Variants in PTPRN2 observed in about 807,000 individuals in gnomAD.
The protein encoded by PTPRN2 is receptor-type tyrosine-protein phosphatase N2.
In PTPRN2, 74 loss-of-function variants were observed where a neutral mutation model predicts 118.8. That is an observed-to-expected ratio of 0.62 (90% CI 0.52 to 0.76). The LOEUF is 0.76. Ranked by LOEUF, PTPRN2 falls within the 30% of genes least tolerant of loss-of-function variation. The pLI is 0.00. For missense variants in PTPRN2, 1,481 were observed against 1,394.4 expected, an observed-to-expected ratio of 1.06 and a Z score of -0.99; for synonymous variants, 641 against 608.0, an observed-to-expected ratio of 1.05 and a Z score of -0.80.
At chr7:157,625,611 T>A (rs1218019145) in intron 14 of PTPRN2, among the ~76,000 whole-genome samples, 1 of 152,044 alleles carries the variant, frequency 6.6e-6, no homozygotes, top group Non-Finnish European at 1.5e-5. Flanking sequence ...GATAAAAGAT[T>A]AACAAATATG....
In PTPRN2 at chr7:157,784,495, C is replaced by A. The variant is rs1173696222; in HGVS notation, c.1789-101558G>T. On this transcript the variant is annotated intron_variant, in intron 12 of 22. Coordinates refer to ENST00000389418, the MANE Select transcript of PTPRN2 (RefSeq NM_002847.5). The surrounding 1 kb of genome is among the most constrained non-coding windows in gnomAD (Gnocchi z 4.6). ...TGGCTGCGGGAACCTTCCTGCCCTG[C>A]AGGAACCACCTCAGCCTCAGCCTCA... Among the ~76,000 whole-genome samples the A allele has an allele frequency of 6.6e-6, 1 of 152,202 alleles. No individual in the cohort carries two copies. The highest frequency in any genetic ancestry group is 1.5e-5 in the Non-Finnish European group (1 of 68,034).
rs1563241129 is a variant in PTPRN2, at chr7:158,395,780, C to CGAGGCGCGAGGGGAGAGGGGA, written c.164-78849_164-78848insTCCCCTCTCCCCTCGCGCCTC. 2.2e-3 allele frequency among the ~76,000 whole-genome samples: 87 copies of CGAGGCGCGAGGGGAGAGGGGA among 39,420 alleles called. 2 individuals are homozygous for CGAGGCGCGAGGGGAGAGGGGA. Among genetic ancestry groups the CGAGGCGCGAGGGGAGAGGGGA allele is most frequent in the East Asian group, 6.3e-3 (4 of 640 alleles). The allele number at this position is 39,420 out of a possible 152,430, so 25.9% of individuals were successfully genotyped here. On this transcript the variant is annotated intron_variant, in intron 2 of 22. Coordinates refer to ENST00000389418, the MANE Select transcript of PTPRN2 (RefSeq NM_002847.5). The stretch of plus-strand genomic sequence containing the variant: ...GGCGCGAGGGGCGAGGGGTGAGGCG[C>CGAGGCGCGAGGGGAGAGGGGA]GAGGGGCGAGGGGTGAGGCGCGAGG...
rs886585665 is a variant in PTPRN2, at chr7:157,780,165, C to T, written c.1789-97228G>A. Reference sequence around the variant, plus strand: ...TTTATGATCCCACCACGTATCTCTACTATTAAAGAATTAGCCTCTGGGCCG... The same window carrying T: ...TTTATGATCCCACCACGTATCTCTATTATTAAAGAATTAGCCTCTGGGCCG... On this transcript the variant is annotated intron_variant, in intron 12 of 22. Coordinates refer to ENST00000389418, the MANE Select transcript of PTPRN2 (RefSeq NM_002847.5). The surrounding 1 kb of genome is among the most constrained non-coding windows in gnomAD (Gnocchi z 4.5). Among the ~76,000 whole-genome samples the T allele has an allele frequency of 6.6e-6, 1 of 152,320 alleles. No homozygotes were observed. Among genetic ancestry groups the T allele is most frequent in the South Asian group, 2.1e-4 (1 of 4,826 alleles).
intron 12 of PTPRN2, among the ~76,000 whole-genome samples, chr7:157,848,798 C>T (rs931757855): frequency 6.6e-6 from 1 of 152,254 alleles, no homozygotes; most frequent in African/African-American, 2.4e-5. Context: ...TGGCCCGCAC[C>T]CTGCAGTGAG....
rs1194120994 is a variant in PTPRN2, at chr7:158,093,292, C to T, written c.1644-11915G>A. Among the ~76,000 whole-genome samples, 1 of 148,960 alleles carries T rather than the reference C, an allele frequency of 6.7e-6. No individual in the cohort carries two copies. Among genetic ancestry groups the T allele is most frequent in the African/African-American group, 2.5e-5 (1 of 39,984 alleles). ...CCTGACTCTGCCGCTGGACCGACCC[C>T]CACACTGTAGACCCACACGCAGGCC... On this transcript the variant is annotated intron_variant, in intron 10 of 22. Transcript: ENST00000389418. The surrounding 1 kb of genome is among the most constrained non-coding windows in gnomAD (Gnocchi z 4.4).
chr7:157,850,308 A>G (rs1176619453), intron 12 of PTPRN2, among the ~76,000 whole-genome samples: 1 of 128,544 alleles, frequency 7.8e-6, no homozygotes, highest in Non-Finnish European at 1.7e-5. Context: ...AAGGGATCCC[A>G]GGTCTCCGAA....
chr7:157,802,712 A>C (rs1258439621), intron 12 of PTPRN2, among the ~76,000 whole-genome samples: 1 of 152,128 alleles, frequency 6.6e-6, no homozygotes, highest in Non-Finnish European at 1.5e-5. Context: ...AAGTGTTCAG[A>C]GTCTACACAT....
intron 21 of PTPRN2, among the ~76,000 whole-genome samples, chr7:157,549,914 C>T (rs369539695): frequency 4.6e-5 from 7 of 152,180 alleles, no homozygotes; most frequent in East Asian, 1.9e-4. Context: ...CTACCGAACA[C>T]GGTGAACTGA....
At chr7:158,416,555 A>G (rs1471752436) in intron 2 of PTPRN2, among the ~76,000 whole-genome samples, 4 of 152,358 alleles carry the variant, frequency 2.6e-5, no homozygotes, top group African/African-American at 9.6e-5. Flanking sequence ...ATCATCTCCC[A>G]GGGAGAAACC....
intron 2 of PTPRN2, among the ~76,000 whole-genome samples, chr7:158,452,281 C>T (rs1670378): frequency 1.3e-4 from 19 of 151,932 alleles, no homozygotes; most frequent in Admixed American, 2.6e-4. Context: ...CGTTTAATTT[C>T]AAAAAAAATT....
rs951989098 is a variant in PTPRN2 at position 157,598,773 on chromosome 7, G to A, written c.2419-3458C>T. On this transcript the variant is annotated intron_variant, in intron 16 of 22. Transcript: ENST00000389418. This position sits in a 1 kb window ranked among gnomAD's most constrained non-coding sequence, Gnocchi z 5.2. ...CTCAGTGAACCACAGAAGGAAGGAA[G>A]GATGCTGCTTCCTCAAGCACAGAGC... 2.0e-5 allele frequency among the ~76,000 whole-genome samples: 3 copies of A among 152,192 alleles called. No homozygotes were observed. Among genetic ancestry groups the A allele is most frequent in the African/African-American group, 7.2e-5 (3 of 41,440 alleles).
chr7:158,167,135 C>T lies in PTPRN2; in HGVS notation c.706G>A (p.Gly236Ser). The T allele has an allele frequency of 1.2e-6, 2 of 1,613,978 alleles. No homozygotes were observed. The highest frequency in any genetic ancestry group is 2.2e-5 in the East Asian group (1 of 44,862). The change falls in exon 6 of 23, where the codon GGT (glycine) becomes AGT (serine). Residue 236 changes from glycine to serine, a missense_variant. Gly to Ser is a moderately conservative substitution (Grantham distance 56). Transcript: ENST00000389418. ...GCCATCAGATGGTGTCTGTCCACAC[C>T]ACTGTCCACCTTAGGGCTGAGCTCA... ...PDELSPKVDS[G>S]VDRHHLMAAL...
intron 12 of PTPRN2, among the ~76,000 whole-genome samples, chr7:157,839,363 T>C (rs1192782270): frequency 6.6e-6 from 1 of 152,084 alleles, no homozygotes; most frequent in Non-Finnish European, 1.5e-5. Context: ...TGTGTCTGTG[T>C]GGCTGTGTGG....
intron 12 of PTPRN2, among the ~76,000 whole-genome samples, chr7:157,718,267 G>A (rs1300701080): frequency 6.6e-6 from 1 of 152,242 alleles, no homozygotes; most frequent in Non-Finnish European, 1.5e-5. Flanking sequence ...ATAATGACTT[G>A]TAGAAGGAGA....
intron 1 of PTPRN2, among the ~76,000 whole-genome samples, chr7:158,548,085 G>C (rs773950423): frequency 3.9e-5 from 6 of 152,186 alleles, no homozygotes; most frequent in Non-Finnish European, 7.3e-5. Context: ...AGCACCCTCG[G>C]CTCAGACTCA....
At chr7:157,888,149 T>C (rs1425297535) in intron 12 of PTPRN2, among the ~76,000 whole-genome samples, 1 of 151,752 alleles carries the variant, frequency 6.6e-6, no homozygotes, top group Non-Finnish European at 1.5e-5. Context: ...TACACCCCAG[T>C]CACTGCAGCC....
chr7:157,771,687 G>A (rs1290474111), intron 12 of PTPRN2, among the ~76,000 whole-genome samples: 5 of 150,068 alleles, frequency 3.3e-5, no homozygotes, highest in South Asian at 2.2e-4. Context: ...AGACACACAT[G>A]CAGACACACA....
At chr7:158,489,200 G>C (rs137923932) in intron 2 of PTPRN2, among the ~76,000 whole-genome samples, 29,164 of 152,162 alleles carry the variant, frequency 0.19, 3,291 homozygotes, top group East Asian at 0.41. Context: ...AATCCCAGCA[G>C]TTTGGGAGGC....
At chr7:157,641,885 C>G (rs534922358) in intron 14 of PTPRN2, among the ~76,000 whole-genome samples, 35 of 152,282 alleles carry the variant, frequency 2.3e-4, no homozygotes, top group African/African-American at 8.2e-4. Flanking sequence ...ACGTCTGGCT[C>G]AAGGTGTTCA....
Sources: gnomAD v4.1 joint callset for allele counts (sites outside exome capture counted in the v4.1 genomes callset) on GRCh38, gnomAD v4.1.1 for gene constraint, Gnocchi (gnomAD v3.1) non-coding constraint, MANE v1.5 for transcripts, NCBI Gene and HGNC (gene_info 2026-07-23, HGNC 2026-07-21) for gene names.